PELI2: variants seen among roughly 807,000 people sequenced by gnomAD.
PELI2 encodes the protein E3 ubiquitin-protein ligase pellino homolog 2.
Under a neutral mutation model 42.3 loss-of-function variants are expected in PELI2, and 23 were observed. That is an observed-to-expected ratio of 0.54 (90% CI 0.39 to 0.77). PELI2 has a LOEUF of 0.77. PELI2 is among the 30% of genes least tolerant of loss of function. The probability of loss-of-function intolerance (pLI) is 0.00; values close to 1 mark genes in which losing one functional copy is unlikely to be tolerated. For synonymous variants in PELI2, 245 were observed against 212.2 expected, an observed-to-expected ratio of 1.15 and a Z score of -1.34; for missense variants, 463 against 553.2, an observed-to-expected ratio of 0.84 and a Z score of 1.64.
intron 2 of PELI2, among the ~76,000 whole-genome samples, chr14:56,260,019 T>A (rs2139833977): frequency 6.6e-6 from 1 of 152,276 alleles, no homozygotes. Context: ...TGACATACCA[T>A]ATTCACTTGA....
intron 2 of PELI2, among the ~76,000 whole-genome samples, chr14:56,230,564 A>G (rs1887522370): frequency 6.6e-6 from 1 of 152,228 alleles, no homozygotes; most frequent in Non-Finnish European, 1.5e-5. Context: ...AGATTTTGTG[A>G]CCACGAGGCC....
chr14:56,168,517 T>C (rs900406335), intron 1 of PELI2, among the ~76,000 whole-genome samples: 1 of 152,148 alleles, frequency 6.6e-6, no homozygotes, highest in Non-Finnish European at 1.5e-5. Flanking sequence ...CTAGAGTCTC[T>C]TAAGTCAGCT....
At chr14:56,145,120 G>T (rs1884067692) in intron 1 of PELI2, 1 of 223,686 alleles carries the variant, frequency 4.5e-6, no homozygotes, top group Non-Finnish European at 7.5e-6. Flanking sequence ...TGTGCAGGTA[G>T]TGTGGCTGGG....
At chr14:56,174,738 C>A (rs937415223) in intron 1 of PELI2, among the ~76,000 whole-genome samples, 5 of 152,192 alleles carry the variant, frequency 3.3e-5, no homozygotes, top group Non-Finnish European at 5.9e-5. Flanking sequence ...GCTTCCCAGT[C>A]GAGCTTCTTG....
At chr14:56,215,503 T>C (rs1257576256) in intron 2 of PELI2, among the ~76,000 whole-genome samples, 1 of 152,224 alleles carries the variant, frequency 6.6e-6, no homozygotes, top group Non-Finnish European at 1.5e-5. Context: ...GACTTACTTA[T>C]AGCTTTTTCA....
chr14:56,222,547 T>C (rs1380394203), intron 2 of PELI2, among the ~76,000 whole-genome samples: 1 of 150,842 alleles, frequency 6.6e-6, no homozygotes, highest in Non-Finnish European at 1.5e-5. Flanking sequence ...GGAACTGATA[T>C]CATGCCTTAA....
At chr14:56,182,552 T>C (rs1415679335) in intron 2 of PELI2, among the ~76,000 whole-genome samples, 1 of 152,222 alleles carries the variant, frequency 6.6e-6, no homozygotes, top group Non-Finnish European at 1.5e-5. Flanking sequence ...TATTGAAATG[T>C]CCTTTTTTGG....
intron 1 of PELI2, among the ~76,000 whole-genome samples, chr14:56,134,368 C>G (rs754392329): frequency 1.3e-5 from 2 of 152,110 alleles, no homozygotes; most frequent in African/African-American, 4.8e-5. Flanking sequence ...AAATTAGTTG[C>G]TCTGGTTTCT....
intron 1 of PELI2, among the ~76,000 whole-genome samples, chr14:56,136,686 G>A (rs867629030): frequency 5.3e-5 from 8 of 152,158 alleles, no homozygotes; most frequent in Non-Finnish European, 2.9e-5. Flanking sequence ...TGCATAAAGC[G>A]CAGAATTTAT....
chr14:56,120,168 A>T (rs1386502258), intron 1 of PELI2, among the ~76,000 whole-genome samples: 1 of 152,196 alleles, frequency 6.6e-6, no homozygotes, highest in Non-Finnish European at 1.5e-5. Context: ...ATCAGGGTTC[A>T]CAGGAAGGCG....
chr14:56,188,702 A>G lies in PELI2; in HGVS notation c.207+10238A>G, dbSNP rs530629174. 4.6e-5 allele frequency among the ~76,000 whole-genome samples: 7 copies of G among 152,230 alleles called. No homozygotes were observed. In the East Asian group the frequency reaches 1.4e-3, roughly 29 times the overall value. On this transcript the variant is annotated intron_variant, in intron 2 of 5. Transcript: ENST00000267460. ...CATAGCATTTGTTTTTGAGAGTTTT[A>G]AGATGTAATGGTTGATTATATATTT...
chr14:56,242,238 A>G (rs1888000031), intron 2 of PELI2, among the ~76,000 whole-genome samples: 1 of 152,242 alleles, frequency 6.6e-6, no homozygotes, highest in African/African-American at 2.4e-5. Context: ...TTATAATTCC[A>G]AGAGAAACAG....
chr14:56,126,356 G>A (rs1398093771), intron 1 of PELI2, among the ~76,000 whole-genome samples: 1 of 152,226 alleles, frequency 6.6e-6, no homozygotes, highest in Non-Finnish European at 1.5e-5. Flanking sequence ...TAAGGCTATT[G>A]CGAGTCATTC....
At chr14:56,198,009 CA>C (rs200431063) in intron 2 of PELI2, among the ~76,000 whole-genome samples, 3,087 of 130,240 alleles carry the variant, frequency 0.024, 38 homozygotes, top group Middle Eastern at 0.059. Context: ...CACACACACA[CA>C]CACCCACCTC....
intron 1 of PELI2, among the ~76,000 whole-genome samples, chr14:56,145,857 A>G (rs556863621): frequency 2.0e-5 from 3 of 152,344 alleles, no homozygotes; most frequent in East Asian, 1.9e-4. Flanking sequence ...TGAACTCCCA[A>G]TGTTGACTTA....
In PELI2 at chr14:56,161,134, G is replaced by C. The variant is rs532704263; in HGVS notation, c.78-17201G>C. Reference sequence around the variant, plus strand: ...GACTGTTATTAAGGTTCCATGACTAGAATCACACGTGTAAGACATGCCAGG... The same window carrying C: ...GACTGTTATTAAGGTTCCATGACTACAATCACACGTGTAAGACATGCCAGG... On this transcript the variant is annotated intron_variant, in intron 1 of 5. Transcript: ENST00000267460. Among the ~76,000 whole-genome samples the C allele has an allele frequency of 5.3e-5, 8 of 152,272 alleles. 1 individual carries two copies. Among genetic ancestry groups the C allele is most frequent in the South Asian group, 4.1e-4 (2 of 4,824 alleles).
intron 1 of PELI2, among the ~76,000 whole-genome samples, chr14:56,140,561 C>T (rs1883869197): frequency 6.6e-6 from 1 of 152,180 alleles, no homozygotes. Context: ...TCAAGACTAC[C>T]TACATTAAAG....
intron 1 of PELI2, among the ~76,000 whole-genome samples, chr14:56,143,164 G>T (rs998923943): frequency 2.0e-5 from 3 of 152,034 alleles, no homozygotes; most frequent in Admixed American, 6.6e-5. Context: ...TGACTCTTTT[G>T]TTGAGTACTG....
chr14:56,227,894 C>A (rs1258432408), intron 2 of PELI2, among the ~76,000 whole-genome samples: 2 of 152,196 alleles, frequency 1.3e-5, no homozygotes, highest in Non-Finnish European at 2.9e-5. Context: ...ACCAGCAAAT[C>A]TGGACAGTAT....
Sources: allele counts gnomAD v4.1 joint callset (sites outside exome capture counted in the v4.1 genomes callset), GRCh38; gene constraint gnomAD v4.1.1; transcripts MANE v1.5; gene names NCBI Gene and HGNC (gene_info 2026-07-23, HGNC 2026-07-21).